The following RBFOX1 variants were observed in gnomAD, a reference collection of about 807,000 sequenced individuals.
The protein encoded by RBFOX1 is RNA binding fox-1 homolog 1.
In RBFOX1, 8 loss-of-function variants were observed where a neutral mutation model predicts 57.7. The ratio of observed to expected loss-of-function variants is 0.14; its 90% CI spans 0.08 to 0.25. The LOEUF (loss-of-function observed/expected upper bound fraction) is 0.25. Ranked by LOEUF, RBFOX1 falls within the 10% of genes least tolerant of loss-of-function variation. The pLI is 1.00. For missense variants in RBFOX1, 611 were observed against 548.5 expected (o/e 1.11, Z -1.14); for synonymous variants, 326 against 222.4 (o/e 1.47, Z -4.15).
chr16:7,391,762 G>A (rs1311986624), intron 4 of RBFOX1, among the ~76,000 whole-genome samples: 1 of 152,166 alleles, frequency 6.6e-6, no homozygotes, highest in East Asian at 1.9e-4. Context: ...CTTTTATACA[G>A]TAGGCTTTTA....
chr16:6,785,063 C>G (rs182788110), intron 3 of RBFOX1, among the ~76,000 whole-genome samples: 7 of 152,170 alleles, frequency 4.6e-5, no homozygotes, highest in South Asian at 2.1e-4. Context: ...AAAGAGATTA[C>G]TCTTAGGAAA....
chr16:6,999,383 A>T (rs1218611829), intron 3 of RBFOX1, among the ~76,000 whole-genome samples: 1 of 151,290 alleles, frequency 6.6e-6, no homozygotes, highest in Non-Finnish European at 1.5e-5. Context: ...CTCCAGATTC[A>T]TTGGTGGACC....
intron 1 of RBFOX1, among the ~76,000 whole-genome samples, chr16:5,306,636 C>G (rs768525280): frequency 2.0e-5 from 3 of 152,116 alleles, no homozygotes; most frequent in Non-Finnish European, 2.9e-5. Context: ...ATGATTAGAG[C>G]TTTATCATGA....
At chr16:7,399,464 GAATA>G (rs1023418012) in intron 4 of RBFOX1, among the ~76,000 whole-genome samples, 44 of 152,062 alleles carry the variant, frequency 2.9e-4, no homozygotes, top group Non-Finnish European at 5.3e-4. Context: ...ATAAATAAAT[GAATA>G]AATAAATAAA....
At chr16:6,459,190 G>T (rs1287712046) in intron 2 of RBFOX1, among the ~76,000 whole-genome samples, 3 of 152,140 alleles carry the variant, frequency 2.0e-5, no homozygotes, top group Admixed American at 6.5e-5. Flanking sequence ...AAAAAAATTA[G>T]CCGGCCATGG....
intron 3 of RBFOX1, among the ~76,000 whole-genome samples, chr16:5,791,205 C>G (rs1229538028): frequency 6.6e-6 from 1 of 152,116 alleles, no homozygotes; most frequent in African/African-American, 2.4e-5. Context: ...TCAGCTAGAT[C>G]ATTAAATAGC....
At chr16:6,941,340 TTCCTTC>T (rs2078471171) in intron 3 of RBFOX1, among the ~76,000 whole-genome samples, 1 of 141,720 alleles carries the variant, frequency 7.1e-6, no homozygotes, top group Non-Finnish European at 1.5e-5. Context: ...CCTTCCTTCC[TTCCTTC>T]CTTCCTTCCT....
chr16:6,269,858 C>G (rs2074992581), intron 1 of RBFOX1, among the ~76,000 whole-genome samples: 1 of 152,054 alleles, frequency 6.6e-6, no homozygotes, highest in Non-Finnish European at 1.5e-5. Flanking sequence ...CAAAATTATG[C>G]TTTATCTTTA....
At chr16:7,395,004 G>C (rs1465157824) in intron 4 of RBFOX1, among the ~76,000 whole-genome samples, 1 of 152,158 alleles carries the variant, frequency 6.6e-6, no homozygotes, top group Non-Finnish European at 1.5e-5. Flanking sequence ...GAAATGTAAT[G>C]GGCTGTGGTT....
chr16:7,320,800 G>A (rs1471713010), intron 4 of RBFOX1, among the ~76,000 whole-genome samples: 6 of 152,334 alleles, frequency 3.9e-5, no homozygotes, highest in Non-Finnish European at 7.4e-5. Context: ...TAAGTATGTG[G>A]TTATATTACT....
intron 1 of RBFOX1, among the ~76,000 whole-genome samples, chr16:6,217,891 T>C (rs890529446): frequency 2.6e-5 from 4 of 152,118 alleles, no homozygotes; most frequent in African/African-American, 9.7e-5. Flanking sequence ...GGCGCATGAT[T>C]GTTAATCCGA....
chr16:6,131,620 C>T (rs1378409011), intron 1 of RBFOX1, among the ~76,000 whole-genome samples: 1 of 152,158 alleles, frequency 6.6e-6, no homozygotes, highest in Non-Finnish European at 1.5e-5. Context: ...GGAATTGCTC[C>T]TTTCAAGATT....
At chr16:6,193,402 A>ATACTG (rs1309919002) in intron 1 of RBFOX1, among the ~76,000 whole-genome samples, 2 of 97,404 alleles carry the variant, frequency 2.1e-5, no homozygotes, top group East Asian at 4.9e-4. Flanking sequence ...CTATATATAT[A>ATACTG]TATATATATA....
chr16:6,252,327 G>A (rs1016615594), intron 1 of RBFOX1, among the ~76,000 whole-genome samples: 3 of 152,092 alleles, frequency 2.0e-5, no homozygotes, highest in East Asian at 1.9e-4. Context: ...AATCTATTTC[G>A]AGGATCTGAA....
At position 7,163,111 on chromosome 16, in the gene RBFOX1, T is replaced by A. The variant is rs1337472608; in HGVS notation, c.27+111013T>A. 3.9e-5 allele frequency among the ~76,000 whole-genome samples: 6 copies of A among 152,198 alleles called. No homozygotes were observed. In the East Asian group the frequency reaches 1.2e-3, roughly 29 times the overall value. On this transcript the variant is annotated intron_variant, in intron 4 of 15. Coordinates refer to ENST00000550418, the MANE Select transcript of RBFOX1 (RefSeq NM_018723.4). The stretch of plus-strand genomic sequence containing the variant: ...GGGCACCCATAAATAATTCCTAAGT[T>A]ACTGAATGCATCTGCAGCTCAACAC...
chr16:5,743,902 G>A (rs1015751594), intron 3 of RBFOX1, among the ~76,000 whole-genome samples: 1 of 152,116 alleles, frequency 6.6e-6, no homozygotes, highest in African/African-American at 2.4e-5. Flanking sequence ...GATGTCATAC[G>A]GAAGGTCTCA....
chr16:7,281,564 G>A (rs2095544276), intron 4 of RBFOX1, among the ~76,000 whole-genome samples: 1 of 152,202 alleles, frequency 6.6e-6, no homozygotes, highest in African/African-American at 2.4e-5. Context: ...ATTCTTATTA[G>A]CATTGTCTGG....
chr16:6,771,723 G>C (rs887634475), intron 3 of RBFOX1, among the ~76,000 whole-genome samples: 76 of 152,318 alleles, frequency 5.0e-4, no homozygotes, highest in African/African-American at 1.8e-3. Context: ...CTGGCGTCTA[G>C]CGGGTGGAGG....
intron 4 of RBFOX1, among the ~76,000 whole-genome samples, chr16:7,223,828 T>G (rs74785334): frequency 4.4e-4 from 5 of 11,426 alleles, no homozygotes. Context: ...AAAAGAGCAT[T>G]TTTTTTTTGG....
Sources: gnomAD v4.1 joint callset for allele counts (sites outside exome capture counted in the v4.1 genomes callset) on GRCh38, gnomAD v4.1.1 for gene constraint, MANE v1.5 for transcripts, NCBI Gene and HGNC (gene_info 2026-07-23, HGNC 2026-07-21) for gene names.